Variants in GFRA1 observed in about 807,000 individuals in gnomAD.
GFRA1 encodes GDNF family receptor alpha 1, also known as GDNF family receptor alpha-1.
GFRA1 carries 16 observed loss-of-function variants against 51.6 expected under a neutral mutation model. The ratio of observed to expected loss-of-function variants is 0.31; its 90% CI spans 0.21 to 0.47. The LOEUF is 0.47. Ranked by LOEUF, GFRA1 falls within the 20% of genes least tolerant of loss-of-function variation. The probability of loss-of-function intolerance (pLI) is 1.00; values close to 1 mark genes in which losing one functional copy is unlikely to be tolerated. For missense variants in GFRA1, 530 were observed against 594.3 expected (o/e 0.89, Z 1.13); for synonymous variants, 270 against 241.3 (o/e 1.12, Z -1.10).
At position 116,144,555 on chromosome 10, in the gene GFRA1, T is replaced by C. The variant is rs560490202; in HGVS notation, c.434-18998A>G. ...ATGATATAGATATCATAATATAATATTCATAATCTATATGTATGAATTGAC... is the reference window on the plus strand; with the variant it reads ...ATGATATAGATATCATAATATAATACTCATAATCTATATGTATGAATTGAC... On this transcript the variant is annotated intron_variant, in intron 5 of 10. Coordinates refer to ENST00000355422, the MANE Select transcript of GFRA1 (RefSeq NM_005264.8). Among the ~76,000 whole-genome samples the C allele has an allele frequency of 5.9e-5, 9 of 152,146 alleles. No homozygotes were observed. In the South Asian group the frequency reaches 1.9e-3, roughly 32 times the overall value.
intron 8 of GFRA1, among the ~76,000 whole-genome samples, chr10:116,092,770 T>C (rs1446025063): frequency 1.3e-5 from 2 of 151,206 alleles, no homozygotes; most frequent in African/African-American, 2.4e-5. Flanking sequence ...GACTCTTGTG[T>C]AGATTACAGT....
At chr10:116,075,349 G>A (rs1404004006) in intron 9 of GFRA1, among the ~76,000 whole-genome samples, 2 of 152,182 alleles carry the variant, frequency 1.3e-5, no homozygotes, top group African/African-American at 4.8e-5. Context: ...GTCACCGGAT[G>A]CCGCCTCGGC....
chr10:116,089,087 T>C (rs999040968), intron 9 of GFRA1, among the ~76,000 whole-genome samples: 21 of 152,108 alleles, frequency 1.4e-4, no homozygotes, highest in African/African-American at 5.1e-4. Context: ...ACCACTTCTA[T>C]CTTGCTGTGG....
rs534873828 is a variant in GFRA1, at chr10:116,175,031, T to C, written c.433+36600A>G. Reference sequence around the variant, plus strand: ...TGCACAGTCCTTGCTCCCTCTTTCGTAGGACTCAAAATGAAATCTCACTCA... The same window carrying C: ...TGCACAGTCCTTGCTCCCTCTTTCGCAGGACTCAAAATGAAATCTCACTCA... On this transcript the variant is annotated intron_variant, in intron 5 of 10. Transcript: ENST00000355422. Among the ~76,000 whole-genome samples, 10 of 152,290 alleles carry C rather than the reference T, an allele frequency of 6.6e-5. No individual in the cohort carries two copies. In the East Asian group the frequency reaches 1.9e-3, roughly 29 times the overall value.
intron 5 of GFRA1, among the ~76,000 whole-genome samples, chr10:116,165,780 G>A (rs1246524701): frequency 6.6e-6 from 1 of 151,994 alleles, no homozygotes; most frequent in African/African-American, 2.4e-5. Flanking sequence ...ACCTTGTGGC[G>A]ATTTATTTTT....
intron 5 of GFRA1, among the ~76,000 whole-genome samples, chr10:116,135,909 A>T (rs1299370407): frequency 1.3e-5 from 2 of 152,230 alleles, no homozygotes; most frequent in Non-Finnish European, 2.9e-5. Context: ...TACAACGGCT[A>T]CAGAACTATT....
At chr10:116,249,705 A>ATG (rs1968161351) in intron 4 of GFRA1, among the ~76,000 whole-genome samples, 1 of 152,110 alleles carries the variant, frequency 6.6e-6, no homozygotes, top group Non-Finnish European at 1.5e-5. Context: ...CTTACTATGC[A>ATG]TTTGTTCACT....
In GFRA1 at chr10:116,272,340, T is replaced by C; in HGVS notation, c.-246-65A>G. 2.0e-6 allele frequency: 1 copy of C among 489,680 alleles called. No individual in the cohort carries two copies. The highest frequency in any genetic ancestry group is 3.7e-6 in the Non-Finnish European group (1 of 269,302). 30.3% of individuals were successfully genotyped at this position (489,680 alleles called of 1,614,324 possible). Reference sequence around the variant, plus strand: ...GCCGGAGACTCCCCCCACAGAACCCTCTCCCCTCCCCCGTTCCCGCCTTTG... The same window carrying C: ...GCCGGAGACTCCCCCCACAGAACCCCCTCCCCTCCCCCGTTCCCGCCTTTG... On this transcript the variant is annotated intron_variant, in intron 1 of 10. Coordinates refer to ENST00000355422, the MANE Select transcript of GFRA1 (RefSeq NM_005264.8). This position sits in a 1 kb window ranked among gnomAD's most constrained non-coding sequence, Gnocchi z 4.4.
chr10:116,198,426 C>T (rs112078948), intron 5 of GFRA1, among the ~76,000 whole-genome samples: 2,773 of 152,332 alleles, frequency 0.018, 101 homozygotes, highest in African/African-American at 0.063. Context: ...TTCCCACCCA[C>T]GGCTGTTTAA....
At chr10:116,236,939 G>A (rs1966912188) in intron 4 of GFRA1, among the ~76,000 whole-genome samples, 1 of 152,188 alleles carries the variant, frequency 6.6e-6, no homozygotes, top group Non-Finnish European at 1.5e-5. Context: ...TTTTGAGCCA[G>A]GCCTTCAAAT....
chr10:116,184,476 C>G (rs1962519048), intron 5 of GFRA1, among the ~76,000 whole-genome samples: 1 of 152,240 alleles, frequency 6.6e-6, no homozygotes, highest in African/African-American at 2.4e-5. Context: ...CCCAGTGGAG[C>G]AACACATCTT....
intron 6 of GFRA1, among the ~76,000 whole-genome samples, chr10:116,111,243 T>C (rs1378419254): frequency 6.6e-6 from 1 of 152,228 alleles, no homozygotes. Context: ...CGGATTCCAA[T>C]CTGAGGCCAA....
chr10:116,225,615 A>G (rs1222355099), intron 4 of GFRA1, among the ~76,000 whole-genome samples: 5 of 140,988 alleles, frequency 3.5e-5, no homozygotes, highest in Non-Finnish European at 6.1e-5. Context: ...TTTGAGACGG[A>G]GTCTTGCTCT....
chr10:116,125,306 T>C lies in GFRA1; in HGVS notation c.685A>G (p.Ile229Val), dbSNP rs1397873569. The change falls in exon 6 of 11, where the codon ATC becomes GTC. Residue 229 changes from isoleucine (I) to valine (V), a missense_variant. Transcript: ENST00000355422. ...TCTTCATAGGAGCACACAGGCACGATGGTCTGTCGCCTCCGCTCTGTGCAG... is the reference window on the plus strand; with the variant it reads ...TCTTCATAGGAGCACACAGGCACGACGGTCTGTCGCCTCCGCTCTGTGCAG... Reference protein sequence around the residue: ...IACTERRRQTIVPVCSYEERE... With the variant: ...IACTERRRQTVVPVCSYEERE... 1 of 1,614,090 alleles carries C rather than the reference T, an allele frequency of 6.2e-7. No individual in the cohort carries two copies. The highest frequency in any genetic ancestry group is 1.3e-5 in the African/African-American group (1 of 74,942).
In GFRA1 at chr10:116,165,289, A is replaced by G. The variant is rs1589837418; in HGVS notation, c.434-39732T>C. Among the ~76,000 whole-genome samples the G allele has an allele frequency of 3.3e-5, 5 of 152,246 alleles. No individual in the cohort carries two copies. In the Middle Eastern group the frequency reaches 0.014, roughly 414 times the overall value. On this transcript the variant is annotated intron_variant, in intron 5 of 10. Coordinates refer to ENST00000355422, the MANE Select transcript of GFRA1 (RefSeq NM_005264.8). Reference sequence around the variant, plus strand: ...GACATTTTGTCTCCATCTCTCAACTATCCTCCCCCTATTGTGGATAATAAG... The same window carrying G: ...GACATTTTGTCTCCATCTCTCAACTGTCCTCCCCCTATTGTGGATAATAAG...
At chr10:116,230,469 G>A (rs563867947) in intron 4 of GFRA1, among the ~76,000 whole-genome samples, 74 of 152,280 alleles carry the variant, frequency 4.9e-4, no homozygotes, top group African/African-American at 1.7e-3. Context: ...GAAATTATCT[G>A]CTCCTCGTAA....
rs1162647571 is a variant in GFRA1 at position 116,059,038 on chromosome 10, CT to C, written c.*5359del. On this transcript the variant is annotated 3_prime_UTR_variant, in exon 11 of 11. Coordinates refer to ENST00000355422, the MANE Select transcript of GFRA1 (RefSeq NM_005264.8). ...AATGCCACGGGCAGATTTAAAGTCA[CT>C]TGGATCCCAGTGCTTTTTCAGACCC... 1.3e-5 allele frequency: 2 copies of C among 152,224 alleles called. No homozygotes were observed. The highest frequency in any genetic ancestry group is 2.9e-5 in the Non-Finnish European group (2 of 68,070). 9.4% of individuals were successfully genotyped at this position (152,224 alleles called of 1,614,324 possible).
chr10:116,223,706 T>C (rs987414536), intron 4 of GFRA1, among the ~76,000 whole-genome samples: 1 of 152,218 alleles, frequency 6.6e-6, no homozygotes, highest in African/African-American at 2.4e-5. Context: ...GCAGTAAATG[T>C]GATTACCACA....
chr10:116,124,495 T>C (rs10885856), intron 6 of GFRA1, among the ~76,000 whole-genome samples: 34,781 of 151,594 alleles, frequency 0.23, 3,977 homozygotes, highest in Middle Eastern at 0.26. Flanking sequence ...CCTCCCAAAA[T>C]GCTGAGATTT....
Sources: gnomAD v4.1 joint callset for allele counts (sites outside exome capture counted in the v4.1 genomes callset) on GRCh38, gnomAD v4.1.1 for gene constraint, Gnocchi (gnomAD v3.1) non-coding constraint, MANE v1.5 for transcripts, NCBI Gene and HGNC (gene_info 2026-07-23, HGNC 2026-07-21) for gene names.